The following HDC variants were observed in gnomAD, a reference collection of about 807,000 sequenced individuals.
The protein encoded by HDC is histidine decarboxylase.
HDC carries 27 observed loss-of-function variants against 64.4 expected under a neutral mutation model. The observed-to-expected ratio is 0.42, with a 90% CI of 0.31 to 0.58. HDC has a LOEUF of 0.58. Among genes scored for constraint, HDC ranks in the 20% least tolerant of loss-of-function variants. HDC has a pLI of 0.16. For missense variants in HDC, 711 were observed against 833.9 expected (o/e 0.85, Z 1.81); for synonymous variants, 305 against 314.2 (o/e 0.97, Z 0.31).
chr15:50,246,341 T>C (rs2045481828), intron 10 of HDC, among the ~76,000 whole-genome samples: 1 of 152,260 alleles, frequency 6.6e-6, no homozygotes, highest in African/African-American at 2.4e-5. Flanking sequence ...ATTTCTTCTA[T>C]TGTGGGACAT....
chr15:50,253,863 G>GA (rs1415880258), intron 6 of HDC, 197 bp from the exon 7 acceptor site: 9 of 645,204 alleles, frequency 1.4e-5, no homozygotes, highest in Non-Finnish European at 1.9e-5. Context: ...GTGTGTATTT[G>GA]AAAAAAAAGT....
chr15:50,242,080 T>C lies in HDC; in HGVS notation c.*180A>G, dbSNP rs2045400426. 3.0e-6 allele frequency: 2 copies of C among 656,108 alleles called. No homozygotes were observed. The highest frequency in any genetic ancestry group is 3.6e-5 in the African/African-American group (2 of 55,514). The allele number at this position is 656,108 out of a possible 1,614,324, so 40.6% of individuals were successfully genotyped here. On this transcript the variant is annotated 3_prime_UTR_variant, in exon 12 of 12. Transcript: ENST00000267845. ...CTGAACCCATCTGGATCATGCTGGC[T>C]TAAACTCTTCGTTTGTATCCTATTG...
chr15:50,261,305 G>T (rs2045699707), intron 2 of HDC, among the ~76,000 whole-genome samples: 1 of 152,166 alleles, frequency 6.6e-6, no homozygotes, highest in African/African-American at 2.4e-5. Context: ...TCTTCTGACA[G>T]TTGCTTTCAG....
chr15:50,242,583 C>T lies in HDC; in HGVS notation c.1666G>A (p.Glu556Lys), dbSNP rs2045412052. The change falls in exon 12 of 12, where the codon GAG becomes AAG. Residue 556 changes from glutamate (E) to lysine (K), a missense_variant. Transcript: ENST00000267845. ...LDPVDDCFSE[E>K]APDATKHKLS... ...TTGTGCTTGGTGGCATCTGGGGCCT[C>T]TTCTGAAAAGCAGTCATCAACTGGG... is the stretch of plus-strand genomic sequence containing the variant. 1.9e-6 allele frequency: 3 copies of T among 1,614,162 alleles called. No individual in the cohort carries two copies. Among genetic ancestry groups the T allele is most frequent in the African/African-American group, 1.3e-5 (1 of 75,028 alleles).
At chr15:50,246,157 T>TC (rs2045478803) in intron 10 of HDC, among the ~76,000 whole-genome samples, 1 of 152,206 alleles carries the variant, frequency 6.6e-6, no homozygotes, top group Non-Finnish European at 1.5e-5. Flanking sequence ...GGGCAATTAC[T>TC]CCCTCTGAGC....
rs1555503913 is a variant in HDC at position 50,254,776 on chromosome 15, CTG to C, written c.442-114_442-113del. 2.5e-4 allele frequency: 204 copies of C among 826,270 alleles called. 1 individual carries two copies. The highest frequency in any genetic ancestry group is 8.4e-4 in the South Asian group (53 of 62,958). The allele number at this position is 826,270 out of a possible 1,614,324, so 51.2% of individuals were successfully genotyped here. A position where few individuals can be genotyped will look rare whatever the true frequency, so the allele number is the denominator to read the frequency against. ...TCTCTCTCTCTCTCTCTCTCTCTCT[CTG>C]TGTGTGTATGTGTTTGTGTATGTGT... is the stretch of plus-strand genomic sequence containing the variant. On this transcript the variant is annotated intron_variant, in intron 4 of 11. Transcript: ENST00000267845.
intron 5 of HDC, 58 bp downstream of exon 5, chr15:50,254,472 C>G: frequency 6.2e-7 from 1 of 1,612,984 alleles, no homozygotes; most frequent in South Asian, 1.1e-5. Flanking sequence ...TGCTCAAGGA[C>G]CAAGATTCCA....
intron 2 of HDC, among the ~76,000 whole-genome samples, chr15:50,259,435 G>T (rs2238292): frequency 0.28 from 41,987 of 151,898 alleles, 6,153 homozygotes; most frequent in East Asian, 0.42. Context: ...AATCAAAACC[G>T]GATGTAAGGA....
intron 9 of HDC, among the ~76,000 whole-genome samples, chr15:50,252,019 A>AC (rs982523199): frequency 9.9e-5 from 15 of 152,040 alleles, no homozygotes; most frequent in African/African-American, 2.7e-4. Context: ...GGACAAAAAA[A>AC]CAAAAGCGAT....
chr15:50,244,059 C>A (rs1410445777), intron 10 of HDC, among the ~76,000 whole-genome samples: 4 of 152,150 alleles, frequency 2.6e-5, no homozygotes, highest in Admixed American at 1.3e-4. Flanking sequence ...ATTAATCTTC[C>A]ACTGAAGTTC....
At position 50,256,976 on chromosome 15, in the gene HDC, A is replaced by G. The variant is rs116924876; in HGVS notation, c.441+449T>C. Among the ~76,000 whole-genome samples, 1,274 of 152,336 alleles carry G rather than the reference A, an allele frequency of 8.4e-3. 9 individuals are homozygous for G. The highest frequency in any genetic ancestry group is 0.014 in the Admixed American group (209 of 15,306). On this transcript the variant is annotated intron_variant, in intron 4 of 11. Transcript: ENST00000267845. ...AATATTTGAAGAACCATAATTTGAC[A>G]AGTATCCAGAAGATAGGGTCAGAGG...
Position 50,252,543 on chromosome 15 carries a change from T to C in HDC, c.951-23A>G, listed in dbSNP as rs542749442. Reference sequence around the variant, plus strand: ...ACCCTGTGGGTTTCCAAATGGGCATTAGTGGCTGAGGTCTCTCCAGAGGAG... The same window carrying C: ...ACCCTGTGGGTTTCCAAATGGGCATCAGTGGCTGAGGTCTCTCCAGAGGAG... On this transcript the variant is annotated intron_variant, in intron 8 of 11. Transcript: ENST00000267845. 11 of 1,614,126 alleles carry C rather than the reference T, an allele frequency of 6.8e-6. No homozygotes were observed. The African/African-American group carries it at 8.0e-5, about 12-fold the overall frequency.
chr15:50,255,279 G>T (rs1595708062), intron 4 of HDC, among the ~76,000 whole-genome samples: 1 of 152,140 alleles, frequency 6.6e-6, no homozygotes, highest in East Asian at 1.9e-4. Context: ...AATCTTCGGG[G>T]CCACCTCAGG....
Position 50,242,627 on chromosome 15 carries a change from T to C in HDC, c.1622A>G (p.His541Arg). 2.5e-6 allele frequency: 4 copies of C among 1,614,222 alleles called. No individual in the cohort carries two copies. Among genetic ancestry groups the C allele is most frequent in the Non-Finnish European group, 3.4e-6 (4 of 1,180,042 alleles). The change falls in exon 12 of 12, where the codon CAT (histidine) becomes CGT (arginine). Residue 541 changes from histidine to arginine, a missense_variant. His to Arg is a conservative substitution (Grantham distance 29). Coordinates refer to ENST00000267845, the MANE Select transcript of HDC (RefSeq NM_002112.4). ...AGPMKRENGL[H>R]LETLLDPVDD... is the part of the protein sequence containing the mutation. Reference sequence around the variant, plus strand: ...AACTGGGTCCAGCAGGGTTTCAAGATGGAGGCCATTTTCCCTTTTCATGGG... The same window carrying C: ...AACTGGGTCCAGCAGGGTTTCAAGACGGAGGCCATTTTCCCTTTTCATGGG...
intron 4 of HDC, 112 bp from the exon 5 acceptor site, chr15:50,254,776 CTGTG>C: frequency 1.2e-5 from 10 of 825,650 alleles, no homozygotes; most frequent in South Asian, 3.2e-5. Context: ...CTCTCTCTCT[CTGTG>C]TGTGTATGTG....
chr15:50,242,028 C>T lies in HDC; in HGVS notation c.*232G>A. 3.4e-6 allele frequency: 2 copies of T among 589,594 alleles called. No homozygotes were observed. The highest frequency in any genetic ancestry group is 6.0e-6 in the Non-Finnish European group (2 of 331,694). 36.5% of individuals were successfully genotyped at this position (589,594 alleles called of 1,614,324 possible). On this transcript the variant is annotated 3_prime_UTR_variant, in exon 12 of 12. Coordinates refer to ENST00000267845, the MANE Select transcript of HDC (RefSeq NM_002112.4). The stretch of plus-strand genomic sequence containing the variant: ...GAACCACAGAAGCTGCCTGTCTACC[C>T]TCGGCCCTTTCTCACTGACCAGACT...
chr15:50,242,818 C>G lies in HDC; in HGVS notation c.1431G>C (p.Gln477His). ...GAGGGCTGGGTTGGGAAGTACAGTG[C>G]TGACTCAGGATGAGAGTGGCAGCAT... ...IRDAATLILS[Q>H]HCTSQPSPRV... The change falls in exon 12 of 12, where the codon CAG (glutamine) becomes CAC (histidine). Residue 477 changes from glutamine (Q) to histidine (H), a missense_variant. Transcript: ENST00000267845. 1 of 1,614,070 alleles carries G rather than the reference C, an allele frequency of 6.2e-7. No homozygotes were observed. Among genetic ancestry groups the G allele is most frequent in the Non-Finnish European group, 8.5e-7 (1 of 1,179,970 alleles).
intron 2 of HDC, among the ~76,000 whole-genome samples, chr15:50,262,744 A>G (rs2140943654): frequency 6.6e-6 from 1 of 152,314 alleles, no homozygotes; most frequent in East Asian, 1.9e-4. Flanking sequence ...CAACCTGGTC[A>G]CCAGCGTGTC....
Position 50,248,424 on chromosome 15 carries a change from G to T in HDC, c.1042-81C>A. 2 of 925,148 alleles carry T rather than the reference G, an allele frequency of 2.2e-6. No individual in the cohort carries two copies. The highest frequency in any genetic ancestry group is 2.2e-4 in the Middle Eastern group (1 of 4,494). The allele number at this position is 925,148 out of a possible 1,614,324, so 57.3% of individuals were successfully genotyped here. A position where few individuals can be genotyped will look rare whatever the true frequency, so the allele number is the denominator to read the frequency against. ...CGGGCATTTCTGGGCATTATCTGTTGCCTGCCCAGCCCTCCAGGGATGGAC... is the reference window on the plus strand; with the variant it reads ...CGGGCATTTCTGGGCATTATCTGTTTCCTGCCCAGCCCTCCAGGGATGGAC... On this transcript the variant is annotated intron_variant, in intron 9 of 11. Coordinates refer to ENST00000267845, the MANE Select transcript of HDC (RefSeq NM_002112.4). This position sits in a 1 kb window ranked among gnomAD's most constrained non-coding sequence, Gnocchi z 4.3.
Sources: allele counts gnomAD v4.1 joint callset (sites outside exome capture counted in the v4.1 genomes callset), GRCh38; gene constraint gnomAD v4.1.1; non-coding constraint Gnocchi (gnomAD v3.1); transcripts MANE v1.5; gene names NCBI Gene and HGNC (gene_info 2026-07-23, HGNC 2026-07-21).